Variants in AGMO observed in about 807,000 individuals in gnomAD.
The protein encoded by AGMO is glyceryl-ether monooxygenase.
In AGMO, 75 loss-of-function variants were observed where a neutral mutation model predicts 60.2. The ratio of observed to expected loss-of-function variants is 1.25; its 90% CI spans 1.03 to 1.51. The LOEUF is 1.51. AGMO is among the 40% of genes most tolerant of loss of function. The pLI, the probability that AGMO is intolerant of heterozygous loss-of-function variation, is 0.00. For synonymous variants in AGMO, 261 were observed against 177.1 expected (o/e 1.47, Z -3.76); for missense variants, 763 against 525.5 (o/e 1.45, Z -4.42).
chr7:15,158,905 A>C, the AGMO span, among the ~76,000 whole-genome samples: 153 of 152,316 alleles, frequency 1.0e-3, 2 homozygotes, highest in Non-Finnish European at 1.9e-3. Context: ...CTTAAAAATA[A>C]ATACAAAATG....
intron 6 of AGMO, among the ~76,000 whole-genome samples, chr7:15,391,573 C>T (rs1453803394): frequency 6.6e-6 from 1 of 152,034 alleles, no homozygotes. Flanking sequence ...AATTAATTAA[C>T]CAAGCCATTA....
chr7:15,439,756 T>G (rs1271903453), intron 3 of AGMO, among the ~76,000 whole-genome samples: 1 of 152,210 alleles, frequency 6.6e-6, no homozygotes, highest in Non-Finnish European at 1.5e-5. Flanking sequence ...ATATTAGTTA[T>G]GTATGATTTT....
chr7:15,367,332 A>G (rs1180230154), intron 10 of AGMO, among the ~76,000 whole-genome samples: 1 of 152,022 alleles, frequency 6.6e-6, no homozygotes, highest in East Asian at 1.9e-4. Context: ...TTTAATTTAT[A>G]TATTAAAATT....
intron 3 of AGMO, among the ~76,000 whole-genome samples, chr7:15,454,329 C>T (rs1339933053): frequency 6.6e-6 from 1 of 151,210 alleles, no homozygotes; most frequent in African/African-American, 2.4e-5. Flanking sequence ...TTGAAATTTC[C>T]CAAAAGAACA....
At chr7:15,549,906 A>G (rs1784898329) in intron 2 of AGMO, among the ~76,000 whole-genome samples, 1 of 151,058 alleles carries the variant, frequency 6.6e-6, no homozygotes, top group East Asian at 1.9e-4. Flanking sequence ...AATTGACCAC[A>G]TACTGGGAAG....
At chr7:15,400,774 TGGATAATAA>T (rs1217303442) in intron 5 of AGMO, among the ~76,000 whole-genome samples, 1 of 152,186 alleles carries the variant, frequency 6.6e-6, no homozygotes, top group Non-Finnish European at 1.5e-5. Context: ...ACTGTAAAAC[TGGATAATAA>T]GGTGATTAAA....
At chr7:15,219,487 A>T (rs769549372) in intron 12 of AGMO, among the ~76,000 whole-genome samples, 1 of 151,294 alleles carries the variant, frequency 6.6e-6, no homozygotes, top group Non-Finnish European at 1.5e-5. Context: ...GAAGGAAAAA[A>T]AGACAATTTT....
At chr7:15,436,705 T>A (rs1047182228) in intron 3 of AGMO, among the ~76,000 whole-genome samples, 3 of 152,124 alleles carry the variant, frequency 2.0e-5, no homozygotes, top group East Asian at 1.9e-4. Flanking sequence ...TTTCTCATTG[T>A]TCTCTTTCTC....
chr7:15,365,746 T>TC (rs1323253593), intron 11 of AGMO, 127 bp from the exon 12 acceptor site: 1 of 675,806 alleles, frequency 1.5e-6, no homozygotes, highest in South Asian at 2.3e-5. Flanking sequence ...GAAAAGCATG[T>TC]CCCCTGAAGC....
chr7:15,220,240 T>C (rs960010025), intron 12 of AGMO, among the ~76,000 whole-genome samples: 2 of 137,232 alleles, frequency 1.5e-5, no homozygotes, highest in African/African-American at 5.8e-5. Flanking sequence ...TTCCTGGAGA[T>C]GGAGTCTGGA....
At chr7:15,373,277 C>CA (rs780500529) in intron 10 of AGMO, among the ~76,000 whole-genome samples, 2,597 of 137,924 alleles carry the variant, frequency 0.019, 50 homozygotes, top group African/African-American at 0.057. Context: ...TATTCTGTCT[C>CA]AAAAAAAAAA....
In AGMO at chr7:15,439,828, A is replaced by G. The variant is rs558308417; in HGVS notation, c.410-8720T>C. Among the ~76,000 whole-genome samples, 18 of 152,280 alleles carry G rather than the reference A, an allele frequency of 1.2e-4. No individual in the cohort carries two copies. The South Asian group carries it at 2.9e-3, about 25-fold the overall frequency. On this transcript the variant is annotated intron_variant, in intron 3 of 12. Transcript: ENST00000342526. Reference sequence around the variant, plus strand: ...CGTGATATAGTGTGAAACATGCCAGATCAAGGAGGAAGAGCAAGAACTTTT... The same window carrying G: ...CGTGATATAGTGTGAAACATGCCAGGTCAAGGAGGAAGAGCAAGAACTTTT...
intron 12 of AGMO, among the ~76,000 whole-genome samples, chr7:15,232,801 G>GCACACGCACACACACACA (rs1554398738): frequency 3.4e-5 from 5 of 147,024 alleles, no homozygotes; most frequent in Non-Finnish European, 4.5e-5. Flanking sequence ...ACACACACAC[G>GCACACGCACACACACACA]CACACACACA....
At chr7:15,408,150 TAGC>T (rs886311252) in intron 5 of AGMO, among the ~76,000 whole-genome samples, 2 of 151,796 alleles carry the variant, frequency 1.3e-5, no homozygotes, top group African/African-American at 4.8e-5. Context: ...AGGAAGCAAA[TAGC>T]AGGGCAGTTT....
At chr7:15,437,200 A>T (rs1182626963) in intron 3 of AGMO, among the ~76,000 whole-genome samples, 1 of 152,222 alleles carries the variant, frequency 6.6e-6, no homozygotes, top group Non-Finnish European at 1.5e-5. Context: ...TTCTTTATTC[A>T]TTGAATGAAC....
chr7:15,549,542 A>T lies in AGMO; in HGVS notation c.258-4619T>A, dbSNP rs1784885534. Among the ~76,000 whole-genome samples, 3 of 151,658 alleles carry T rather than the reference A, an allele frequency of 2.0e-5. No homozygotes were observed. In the South Asian group the frequency reaches 6.2e-4, roughly 32 times the overall value. ...CTAGTCTCTGATAGAACAGACTTTA[A>T]ACCAACAAAGATCAAAAGAGACAAA... On this transcript the variant is annotated intron_variant, in intron 2 of 12. Transcript: ENST00000342526.
At chr7:15,526,816 G>A (rs1784140880) in intron 3 of AGMO, among the ~76,000 whole-genome samples, 2 of 152,114 alleles carry the variant, frequency 1.3e-5, no homozygotes, top group African/African-American at 2.4e-5. Context: ...AACAGCATGT[G>A]CTCACTTTGT....
At chr7:15,329,167 T>C (rs1781429555) in intron 12 of AGMO, among the ~76,000 whole-genome samples, 1 of 152,172 alleles carries the variant, frequency 6.6e-6, no homozygotes, top group African/African-American at 2.4e-5. Flanking sequence ...AAAACATCTT[T>C]CTCTACTGGA....
At chr7:15,120,421 A>G in the AGMO span, among the ~76,000 whole-genome samples, 5 of 152,266 alleles carry the variant, frequency 3.3e-5, no homozygotes, top group African/African-American at 7.2e-5. Flanking sequence ...CTGAATTCCT[A>G]TGTTAAATCG....
Sources: allele counts gnomAD v4.1 joint callset (sites outside exome capture counted in the v4.1 genomes callset), GRCh38; gene constraint gnomAD v4.1.1; transcripts MANE v1.5; gene names NCBI Gene and HGNC (gene_info 2026-07-23, HGNC 2026-07-21).